Variants in DIXDC1 observed in about 807,000 individuals in gnomAD.
The protein encoded by DIXDC1 is DIX domain containing 1.
In DIXDC1, 64 loss-of-function variants were observed where a neutral mutation model predicts 103.1. The ratio of observed to expected loss-of-function variants is 0.62; its 90% CI spans 0.51 to 0.76. The LOEUF is 0.76. Ranked by LOEUF, DIXDC1 falls within the 30% of genes least tolerant of loss-of-function variation. The pLI, the probability that DIXDC1 is intolerant of heterozygous loss-of-function variation, is 0.00. For synonymous variants in DIXDC1, 266 were observed against 298.5 expected (o/e 0.89, Z 1.12); for missense variants, 759 against 834.2 (o/e 0.91, Z 1.11).
At chr11:111,979,882 A>G (rs1421872858) in intron 5 of DIXDC1, among the ~76,000 whole-genome samples, 1 of 152,106 alleles carries the variant, frequency 6.6e-6, no homozygotes, top group Non-Finnish European at 1.5e-5. Flanking sequence ...CAAGCCCATG[A>G]GCTTGAGGCT....
At chr11:112,003,302 C>G (rs1468035548) in intron 17 of DIXDC1, among the ~76,000 whole-genome samples, 1 of 151,522 alleles carries the variant, frequency 6.6e-6, no homozygotes, top group African/African-American at 2.4e-5. Flanking sequence ...ACTAAAAATA[C>G]AAAAATTAGC....
At chr11:111,931,912 A>G (rs192203842) in intron 2 of DIXDC1, among the ~76,000 whole-genome samples, 1 of 152,306 alleles carries the variant, frequency 6.6e-6, no homozygotes, top group Non-Finnish European at 1.5e-5. Flanking sequence ...GCCCAGAGGC[A>G]TAGGGGTGCA....
chr11:111,931,636 C>T (rs1183160548), intron 2 of DIXDC1, among the ~76,000 whole-genome samples: 3 of 152,044 alleles, frequency 2.0e-5, no homozygotes, highest in Non-Finnish European at 4.4e-5. Context: ...GATTGAGACT[C>T]CATCCCAAAA....
chr11:111,970,767 A>G (rs1859894242), intron 3 of DIXDC1, among the ~76,000 whole-genome samples: 1 of 152,216 alleles, frequency 6.6e-6, no homozygotes, highest in African/African-American at 2.4e-5. Flanking sequence ...GTACTGGTAT[A>G]AAAACAGACA....
intron 17 of DIXDC1, among the ~76,000 whole-genome samples, chr11:112,013,314 C>CGGG (rs1242498201): frequency 2.0e-4 from 2 of 9,766 alleles, no homozygotes; most frequent in Non-Finnish European, 1.2e-3. Flanking sequence ...GTTGACGGGT[C>CGGG]GGGGGGTGGG....
chr11:111,986,691 A>G lies in DIXDC1; in HGVS notation c.1009-180A>G, dbSNP rs186391588. On this transcript the variant is annotated intron_variant, in intron 8 of 19. Coordinates refer to ENST00000440460, the MANE Select transcript of DIXDC1 (RefSeq NM_001037954.4). ...CCCATACTTATTCTAAGCTTTATCCATATAGATCTACTTGCTACTTGATGC... is the reference window on the plus strand; with the variant it reads ...CCCATACTTATTCTAAGCTTTATCCGTATAGATCTACTTGCTACTTGATGC... Among the ~76,000 whole-genome samples the G allele has an allele frequency of 1.1e-3, 171 of 152,072 alleles. 1 individual carries two copies. The highest frequency in any genetic ancestry group is 1.9e-3 in the Non-Finnish European group (128 of 67,974).
chr11:111,984,078 A>T (rs1180857808), intron 7 of DIXDC1, among the ~76,000 whole-genome samples: 2 of 152,210 alleles, frequency 1.3e-5, no homozygotes, highest in Non-Finnish European at 2.9e-5. Flanking sequence ...AGCAAAATTC[A>T]TTTGACTTAC....
intron 2 of DIXDC1, among the ~76,000 whole-genome samples, chr11:111,966,549 G>A (rs1163811594): frequency 3.3e-5 from 5 of 151,668 alleles, no homozygotes; most frequent in East Asian, 3.9e-4. Flanking sequence ...GACTACAGGC[G>A]CCCGCCACCG....
intron 5 of DIXDC1, among the ~76,000 whole-genome samples, chr11:111,980,341 C>G (rs1246534381): frequency 5.9e-5 from 9 of 152,186 alleles, no homozygotes; most frequent in Admixed American, 2.0e-4. Flanking sequence ...CCAAAAGCTA[C>G]TAGACACAGA....
Position 111,977,779 on chromosome 11 carries a change from G to C in DIXDC1, c.656+2796G>C, listed in dbSNP as rs781853277. ...CGAGACAGGAGGGGGACCATGGGAG[G>C]GACGCAAGTCAAATGGTGAGCTGAA... On this transcript the variant is annotated intron_variant, in intron 5 of 19. Transcript: ENST00000440460. The surrounding 1 kb of genome is among the most constrained non-coding windows in gnomAD (Gnocchi z 6.1). 1.0e-4 allele frequency: 164 copies of C among 1,566,130 alleles called. No individual in the cohort carries two copies. Among genetic ancestry groups the C allele is most frequent in the Non-Finnish European group, 2.9e-5 (34 of 1,155,974 alleles).
intron 17 of DIXDC1, chr11:112,015,358 G>A (rs587624811): frequency 6.6e-6 from 1 of 152,208 alleles, no homozygotes; most frequent in African/African-American, 2.4e-5. Context: ...CCTAGAATAA[G>A]TTAAGAGGAA....
intron 1 of DIXDC1, among the ~76,000 whole-genome samples, chr11:111,947,955 C>G (rs1966652733): frequency 6.6e-6 from 1 of 152,156 alleles, no homozygotes; most frequent in Admixed American, 6.5e-5. Context: ...GAGTTCGAGA[C>G]TAGCCTGGGC....
In DIXDC1 at chr11:111,968,505, C is replaced by T; in HGVS notation, c.191-8C>T. ...CTATAACTTCCTATATTTTCTCTCT[C>T]CTAACAGCAGGAGAAAAGCTGAGTG... On this transcript the variant is annotated splice_polypyrimidine_tract_variant and splice_region_variant and intron_variant, in intron 2 of 19. Transcript: ENST00000440460. 3.1e-6 allele frequency: 5 copies of T among 1,611,872 alleles called. No individual in the cohort carries two copies. The highest frequency in any genetic ancestry group is 1.1e-5 in the South Asian group (1 of 90,558).
At chr11:111,954,001 T>A (rs1966864995) in intron 1 of DIXDC1, among the ~76,000 whole-genome samples, 1 of 152,194 alleles carries the variant, frequency 6.6e-6, no homozygotes, top group African/African-American at 2.4e-5. Flanking sequence ...CCCCAACCTT[T>A]CTGGCACCAG....
At chr11:111,964,007 G>A (rs1859651550) in intron 1 of DIXDC1, among the ~76,000 whole-genome samples, 1 of 152,304 alleles carries the variant, frequency 6.6e-6, no homozygotes, top group South Asian at 2.1e-4. Context: ...TGGGTTGACT[G>A]TGAGATGATT....
rs117081299 is a variant in DIXDC1, at chr11:112,012,913, G to A, written c.1757-3778G>A. Among the ~76,000 whole-genome samples, 1,042 of 152,264 alleles carry A rather than the reference G, an allele frequency of 6.8e-3. 5 individuals carry two copies. Among genetic ancestry groups the A allele is most frequent in the Middle Eastern group, 0.051 (15 of 294 alleles). On this transcript the variant is annotated intron_variant, in intron 17 of 19. Coordinates refer to ENST00000440460, the MANE Select transcript of DIXDC1 (RefSeq NM_001037954.4). ...AGCAGTCTTTGCCTATTAGACCCCT[G>A]TGTAGCATTTGACATCATGATTACT...
intron 15 of DIXDC1, 31 bp from the exon 16 acceptor site, chr11:111,995,372 C>A: frequency 1.2e-6 from 2 of 1,606,636 alleles, no homozygotes; most frequent in South Asian, 2.2e-5. Context: ...GGCACCGTGC[C>A]ATGCCAGCAA....
In DIXDC1 at chr11:111,952,562, C is replaced by T. The variant is rs587691567; in HGVS notation, c.61-11987C>T. ...AATTGGCCAGGCCTGGTGGCTCACA[C>T]CTGTAATCCCAGCACTTTGGGAGAC... On this transcript the variant is annotated intron_variant, in intron 1 of 19. Coordinates refer to ENST00000440460, the MANE Select transcript of DIXDC1 (RefSeq NM_001037954.4). 2.6e-5 allele frequency among the ~76,000 whole-genome samples: 4 copies of T among 152,136 alleles called. No individual in the cohort carries two copies. The East Asian group carries it at 7.8e-4, about 30-fold the overall frequency.
At chr11:111,992,921 C>T (rs782011846) in intron 11 of DIXDC1, 30 bp from the exon 12 acceptor site, 12 of 1,591,288 alleles carry the variant, frequency 7.5e-6, no homozygotes, top group South Asian at 3.5e-5. Flanking sequence ...GCAGTACCTG[C>T]GTGCCATGAA....
Sources: allele counts gnomAD v4.1 joint callset (sites outside exome capture counted in the v4.1 genomes callset), GRCh38; gene constraint gnomAD v4.1.1; non-coding constraint Gnocchi (gnomAD v3.1); transcripts MANE v1.5; gene names NCBI Gene and HGNC (gene_info 2026-07-23, HGNC 2026-07-21).